The following NRXN1 variants were observed in gnomAD, a reference collection of about 807,000 sequenced individuals.
The protein encoded by NRXN1 is neurexin-1.
Under a neutral mutation model 150.9 loss-of-function variants are expected in NRXN1, and 39 were observed. The observed-to-expected ratio is 0.26, with a 90% CI of 0.20 to 0.34. The LOEUF (loss-of-function observed/expected upper bound fraction) is 0.34. Ranked by LOEUF, NRXN1 falls within the 10% of genes least tolerant of loss-of-function variation. The pLI, the probability that NRXN1 is intolerant of heterozygous loss-of-function variation, is 1.00. For synonymous variants in NRXN1, 924 were observed against 757.0 expected, an observed-to-expected ratio of 1.22 and a Z score of -3.62; for missense variants, 1,815 against 1,949.9, an observed-to-expected ratio of 0.93 and a Z score of 1.30.
intron 2 of NRXN1, among the ~76,000 whole-genome samples, chr2:51,013,090 G>T (rs1370620117): frequency 2.0e-5 from 3 of 152,034 alleles, no homozygotes; most frequent in African/African-American, 7.2e-5. Context: ...ACCTGGTGGA[G>T]GTAGAGTCAG....
At chr2:50,338,546 G>A (rs1575139696) in intron 17 of NRXN1, among the ~76,000 whole-genome samples, 1 of 151,796 alleles carries the variant, frequency 6.6e-6, no homozygotes, top group African/African-American at 2.4e-5. Flanking sequence ...TTTTATAATT[G>A]AAAAGGATAA....
At chr2:50,034,020 G>A (rs1689616601) in intron 21 of NRXN1, among the ~76,000 whole-genome samples, 1 of 149,290 alleles carries the variant, frequency 6.7e-6, no homozygotes, top group Non-Finnish European at 1.5e-5. Context: ...GCAAACAGAA[G>A]AGAATGCTTA....
chr2:50,138,772 C>T (rs1706799161), intron 18 of NRXN1, among the ~76,000 whole-genome samples: 1 of 152,196 alleles, frequency 6.6e-6, no homozygotes, highest in Admixed American at 6.5e-5. Context: ...GTTATTGTTC[C>T]ATTCCTCACA....
At chr2:50,786,370 G>C (rs967005678) in intron 5 of NRXN1, among the ~76,000 whole-genome samples, 33 of 152,120 alleles carry the variant, frequency 2.2e-4, no homozygotes, top group African/African-American at 7.7e-4. Context: ...TCTATAAAAG[G>C]CTTCATCCAC....
intron 18 of NRXN1, among the ~76,000 whole-genome samples, chr2:50,106,031 T>C (rs1701592983): frequency 6.6e-6 from 1 of 151,990 alleles, no homozygotes; most frequent in Non-Finnish European, 1.5e-5. Flanking sequence ...ATTAGAAATG[T>C]TAATGTTAAT....
chr2:50,984,076 T>C (rs1697280102), intron 2 of NRXN1, among the ~76,000 whole-genome samples: 1 of 147,066 alleles, frequency 6.8e-6, no homozygotes, highest in Admixed American at 6.9e-5. Context: ...CAAGCAATCC[T>C]CCCTCCTCAG....
At position 49,926,123 on chromosome 2, in the gene NRXN1, A is replaced by G. The variant is rs566414608; in HGVS notation, c.4217-3872T>C. Among the ~76,000 whole-genome samples, 7 of 152,338 alleles carry G rather than the reference A, an allele frequency of 4.6e-5. 1 individual carries two copies. In the East Asian group the frequency reaches 1.4e-3, roughly 29 times the overall value. On this transcript the variant is annotated intron_variant, in intron 22 of 22. Transcript: ENST00000401669. ...TGACTTTTGCTGGCATTTTTAACCT[A>G]TAAATGATTTGGAAGCTAATGATTA...
chr2:50,633,866 C>T (rs1331448607), intron 5 of NRXN1, among the ~76,000 whole-genome samples: 1 of 151,972 alleles, frequency 6.6e-6, no homozygotes, highest in African/African-American at 2.4e-5. Flanking sequence ...ACTGAGCAAG[C>T]AAAAGAGTGC....
intron 2 of NRXN1, among the ~76,000 whole-genome samples, chr2:51,019,402 A>G (rs555206939): frequency 6.6e-6 from 1 of 152,270 alleles, no homozygotes; most frequent in Non-Finnish European, 1.5e-5. Flanking sequence ...TAATTTTAAT[A>G]AAAACTACTG....
intron 8 of NRXN1, among the ~76,000 whole-genome samples, chr2:50,560,403 G>A (rs552240695): frequency 7.0e-6 from 1 of 142,796 alleles, no homozygotes; most frequent in South Asian, 2.3e-4. Flanking sequence ...AACAAGCCCT[G>A]TACAAAGTAG....
At chr2:50,176,924 C>G (rs534525625) in intron 18 of NRXN1, among the ~76,000 whole-genome samples, 89 of 152,156 alleles carry the variant, frequency 5.8e-4, no homozygotes, top group Admixed American at 1.4e-3. Context: ...ATCATAAGAA[C>G]ACCACACATA....
chr2:50,516,562 G>A (rs889539385), intron 12 of NRXN1, among the ~76,000 whole-genome samples: 2 of 152,098 alleles, frequency 1.3e-5, no homozygotes, highest in Non-Finnish European at 2.9e-5. Context: ...TGTTTTGCTG[G>A]CCAGGCCTGG....
At chr2:50,069,710 T>C (rs1695912787) in intron 19 of NRXN1, among the ~76,000 whole-genome samples, 2 of 152,168 alleles carry the variant, frequency 1.3e-5, no homozygotes, top group Admixed American at 6.6e-5. Context: ...CTTTGTGCTA[T>C]ACAGACACAC....
chr2:50,855,216 G>A (rs1429158265), intron 5 of NRXN1, among the ~76,000 whole-genome samples: 2 of 151,786 alleles, frequency 1.3e-5, no homozygotes, highest in Admixed American at 1.3e-4. Context: ...ACTTCAAGTA[G>A]ACTTCATAAA....
At position 50,497,819 on chromosome 2, in the gene NRXN1, CT is replaced by C. The variant is rs2091727002; in HGVS notation, c.2498-106del. 4.0e-6 allele frequency: 4 copies of C among 996,200 alleles called. No individual in the cohort carries two copies. The Admixed American group carries it at 7.5e-5, about 19-fold the overall frequency. 61.7% of individuals were successfully genotyped at this position (996,200 alleles called of 1,614,324 possible). A position where few individuals can be genotyped will look rare whatever the true frequency, so the allele number is the denominator to read the frequency against. On this transcript the variant is annotated intron_variant, in intron 13 of 22. Coordinates refer to ENST00000401669, the MANE Select transcript of NRXN1 (RefSeq NM_001330078.2). Reference sequence around the variant, plus strand: ...TTCTAAAATACAAGGAGCCAAATCCCTCCTTGGTACTCAGTTGCATATAGGA... The same window carrying C: ...TTCTAAAATACAAGGAGCCAAATCCCCCTTGGTACTCAGTTGCATATAGGA...
At chr2:50,216,571 T>G (rs1483554544) in intron 18 of NRXN1, among the ~76,000 whole-genome samples, 1 of 152,030 alleles carries the variant, frequency 6.6e-6, no homozygotes, top group African/African-American at 2.4e-5. Context: ...ATAATGGAAG[T>G]GAGCAGAGAC....
At chr2:50,760,329 G>A (rs62140592) in intron 5 of NRXN1, among the ~76,000 whole-genome samples, 2 of 151,840 alleles carry the variant, frequency 1.3e-5, no homozygotes, top group African/African-American at 2.4e-5. Flanking sequence ...ATGGAAAGGC[G>A]TTAGTCACAC....
intron 8 of NRXN1, among the ~76,000 whole-genome samples, chr2:50,610,175 T>C (rs1198174190): frequency 6.6e-6 from 1 of 152,096 alleles, no homozygotes; most frequent in Admixed American, 6.6e-5. Context: ...AACTCCAAAA[T>C]ACTCATTTTG....
intron 5 of NRXN1, among the ~76,000 whole-genome samples, chr2:50,786,610 A>C (rs1352328429): frequency 6.6e-6 from 1 of 152,142 alleles, no homozygotes. Context: ...TAAGTAGATT[A>C]TTCTTCTACC....
Sources: gnomAD v4.1 joint callset for allele counts (sites outside exome capture counted in the v4.1 genomes callset) on GRCh38, gnomAD v4.1.1 for gene constraint, MANE v1.5 for transcripts, NCBI Gene and HGNC (gene_info 2026-07-23, HGNC 2026-07-21) for gene names.